RNF111: variants seen among roughly 807,000 people sequenced by gnomAD.
RNF111 encodes E3 ubiquitin-protein ligase Arkadia.
A neutral mutation model predicts 95.1 loss-of-function variants in RNF111; 17 were observed. That is an observed-to-expected ratio of 0.18 (90% CI 0.12 to 0.27). RNF111 has a LOEUF of 0.27. Ranked by LOEUF, RNF111 falls within the 10% of genes least tolerant of loss-of-function variation. RNF111 has a pLI of 1.00. For synonymous variants in RNF111, 440 were observed against 414.8 expected, an observed-to-expected ratio of 1.06 and a Z score of -0.74; for missense variants, 1,189 against 1,210.4, an observed-to-expected ratio of 0.98 and a Z score of 0.26.
At chr15:58,994,095 T>A (rs1179313082) in intron 1 of RNF111, among the ~76,000 whole-genome samples, 2 of 144,496 alleles carry the variant, frequency 1.4e-5, no homozygotes, top group African/African-American at 5.2e-5. Context: ...TGGAGTGCAG[T>A]GGCCCCATCT....
intron 6 of RNF111, among the ~76,000 whole-genome samples, chr15:59,071,285 C>T (rs1296855086): frequency 7.2e-5 from 8 of 110,980 alleles, no homozygotes; most frequent in African/African-American, 1.8e-4. Flanking sequence ...GGCAACAGAG[C>T]GAGACTCCAT....
At chr15:59,014,610 A>G (rs1233515756) in intron 1 of RNF111, among the ~76,000 whole-genome samples, 1 of 152,200 alleles carries the variant, frequency 6.6e-6, no homozygotes, top group African/African-American at 2.4e-5. Context: ...GGGCAAGCAC[A>G]TAGGGGAAAG....
chr15:59,091,614 G>T (rs2079055738), intron 12 of RNF111, among the ~76,000 whole-genome samples: 1 of 152,044 alleles, frequency 6.6e-6, no homozygotes, highest in Non-Finnish European at 1.5e-5. Flanking sequence ...ACATTTTATT[G>T]ATGTATGTTT....
chr15:59,045,911 T>G (rs952952311), intron 2 of RNF111, among the ~76,000 whole-genome samples: 6 of 152,238 alleles, frequency 3.9e-5, no homozygotes, highest in Admixed American at 6.5e-5. Context: ...TGCTACTGTT[T>G]TGTTGTTTTT....
intron 1 of RNF111, among the ~76,000 whole-genome samples, chr15:59,026,918 C>A (rs140221840): frequency 6.6e-6 from 1 of 152,160 alleles, no homozygotes; most frequent in Admixed American, 6.5e-5. Context: ...AACCACCCCC[C>A]CTTGCTCTCC....
At chr15:59,050,570 A>G (rs1566911217) in intron 2 of RNF111, among the ~76,000 whole-genome samples, 1 of 152,234 alleles carries the variant, frequency 6.6e-6, no homozygotes. Flanking sequence ...GTAATATTTA[A>G]GAGAAGTATC....
At chr15:59,018,963 G>A (rs72746807) in intron 1 of RNF111, among the ~76,000 whole-genome samples, 177 of 151,642 alleles carry the variant, frequency 1.2e-3, no homozygotes, top group Non-Finnish European at 2.1e-3. Flanking sequence ...ATGCTCTGTC[G>A]CCCAGGTTGG....
At chr15:58,996,489 G>A (rs1471626748) in intron 1 of RNF111, among the ~76,000 whole-genome samples, 1 of 151,910 alleles carries the variant, frequency 6.6e-6, no homozygotes, top group East Asian at 1.9e-4. Flanking sequence ...GCTGGAGCAG[G>A]AGAATCGCTT....
At chr15:59,069,710 C>A (rs2042824345) in intron 6 of RNF111, among the ~76,000 whole-genome samples, 1 of 152,084 alleles carries the variant, frequency 6.6e-6, no homozygotes, top group African/African-American at 2.4e-5. Flanking sequence ...GTTTGAGACT[C>A]ATGTTGATGT....
intron 1 of RNF111, among the ~76,000 whole-genome samples, chr15:59,027,808 C>T (rs1443080744): frequency 6.6e-6 from 1 of 150,736 alleles, no homozygotes; most frequent in East Asian, 1.9e-4. Context: ...GGTGGGATTA[C>T]AGGCGTGAGC....
intron 1 of RNF111, among the ~76,000 whole-genome samples, chr15:59,029,691 G>A (rs1474120271): frequency 7.2e-5 from 11 of 152,134 alleles, no homozygotes. Flanking sequence ...TGTATTTTAT[G>A]GGCAAAACAA....
intron 5 of RNF111, among the ~76,000 whole-genome samples, chr15:59,065,207 G>A (rs974214063): frequency 6.6e-6 from 1 of 152,048 alleles, no homozygotes; most frequent in Admixed American, 6.6e-5. Context: ...CGGGGCTTTG[G>A]CTTTAGGCTC....
At chr15:59,064,892 C>T (rs1387069415) in intron 5 of RNF111, among the ~76,000 whole-genome samples, 1 of 152,010 alleles carries the variant, frequency 6.6e-6, no homozygotes, top group Admixed American at 6.6e-5. Flanking sequence ...GGGAAATTTG[C>T]TGAATCTTAC....
rs1386626843 is a variant in RNF111, at chr15:59,058,422, A to C, written c.1238A>C (p.Asn413Thr). ...ESQATSASIN[N>T]SNPSTSEQAS... is the part of the protein sequence containing the mutation. ...CAAGCTACTAGCGCTTCCATTAACA[A>C]TTCAAATCCATCTACCTCTGAGCAG... Residue 413 changes from asparagine (N) to threonine (T), a missense_variant, in exon 5 of 14, where the codon AAT becomes ACT. Asn to Thr is a moderately conservative substitution (Grantham distance 65). This residue lies in a region of RNF111 where 1,024 missense variants were observed against 925.9 expected (regional missense o/e 1.11). Coordinates refer to ENST00000348370, the MANE Select transcript of RNF111 (RefSeq NM_017610.8). The C allele has an allele frequency of 1.2e-6, 2 of 1,614,148 alleles. No homozygotes were observed. The highest frequency in any genetic ancestry group is 2.7e-5 in the African/African-American group (2 of 75,042).
In RNF111 at chr15:59,024,811, T is replaced by A. The variant is rs12595781; in HGVS notation, c.-19-5993T>A. 1.0e-3 allele frequency among the ~76,000 whole-genome samples: 156 copies of A among 152,346 alleles called. 3 individuals are homozygous for A. The East Asian group carries it at 0.024, about 23-fold the overall frequency. ...TCTTCCCCGACTGAAACTCAGTAACTGTTAAACACTAACTCCTATTCTCCC... is the reference window on the plus strand; with the variant it reads ...TCTTCCCCGACTGAAACTCAGTAACAGTTAAACACTAACTCCTATTCTCCC... On this transcript the variant is annotated intron_variant, in intron 1 of 13. Transcript: ENST00000348370.
chr15:59,004,047 C>T, intron 1 of RNF111: 1 of 467,690 alleles, frequency 2.1e-6, no homozygotes, highest in East Asian at 1.2e-4. Flanking sequence ...TGTGTTTATC[C>T]TCCTTGCCGT....
chr15:59,090,935 T>C, intron 11 of RNF111, 124 bp from the exon 12 acceptor site: 1 of 560,354 alleles, frequency 1.8e-6, no homozygotes, highest in Non-Finnish European at 3.2e-6. Context: ...GTAAGTTTTT[T>C]TGAACACTGT....
At chr15:59,000,239 C>T (rs1372334294) in intron 1 of RNF111, among the ~76,000 whole-genome samples, 1 of 146,770 alleles carries the variant, frequency 6.8e-6, no homozygotes, top group African/African-American at 2.5e-5. Context: ...TCTTAGTTCA[C>T]TACATTCTCT....
At chr15:59,048,975 C>T (rs2041841291) in intron 2 of RNF111, among the ~76,000 whole-genome samples, 1 of 152,056 alleles carries the variant, frequency 6.6e-6, no homozygotes. Flanking sequence ...GTGGTGTGCA[C>T]CTGTAGTCCC....
Sources: allele counts gnomAD v4.1 joint callset (sites outside exome capture counted in the v4.1 genomes callset), GRCh38; gene constraint gnomAD v4.1.1; regional missense constraint gnomAD v4.1.1; transcripts MANE v1.5; gene names NCBI Gene and HGNC (gene_info 2026-07-23, HGNC 2026-07-21).